Variants in PIR observed in about 807,000 individuals in gnomAD.
PIR encodes the protein pirin (iron-binding nuclear protein).
PIR carries 22 observed loss-of-function variants against 24.2 expected under a neutral mutation model. The ratio of observed to expected loss-of-function variants is 0.91; its 90% CI spans 0.65 to 1.30. The LOEUF (loss-of-function observed/expected upper bound fraction) is 1.30. PIR is among the 50% of genes most tolerant of loss of function. PIR has a pLI of 0.00. For synonymous variants in PIR, 80 were observed against 79.6 expected (o/e 1.00, Z -0.03); for missense variants, 220 against 220.3 (o/e 1.00, Z 0.01).
chrX:15,482,285 A>G (rs1214462876), intron 2 of PIR, among the ~76,000 whole-genome samples: 2 of 111,671 alleles, frequency 1.8e-5, no homozygotes, highest in Non-Finnish European at 3.8e-5. Flanking sequence ...TCTCTACAAC[A>G]GTCTTGAGTA....
intron 3 of PIR, among the ~76,000 whole-genome samples, chrX:15,477,846 G>C (rs1486034969): frequency 8.9e-6 from 1 of 111,842 alleles, no homozygotes; most frequent in African/African-American, 3.3e-5. Flanking sequence ...AAGCACCACA[G>C]GTACTGATTT....
chrX:15,401,969 T>C (rs2147009236), intron 7 of PIR, among the ~76,000 whole-genome samples: 1 of 112,692 alleles, frequency 8.9e-6, no homozygotes, highest in East Asian at 2.8e-4. Flanking sequence ...ATTGAGATTG[T>C]TAATTGAAAA....
chrX:15,391,431 T>C (rs1923954124), intron 8 of PIR, among the ~76,000 whole-genome samples: 1 of 112,214 alleles, frequency 8.9e-6, no homozygotes, highest in African/African-American at 3.2e-5. Context: ...TGTAATCAAA[T>C]GCATTTCTGG....
intron 5 of PIR, among the ~76,000 whole-genome samples, chrX:15,448,845 A>AT (rs1294667410): frequency 1.8e-5 from 2 of 111,540 alleles, no homozygotes; most frequent in Non-Finnish European, 3.8e-5. Context: ...GTATCATGAG[A>AT]TTTTCACATA....
intron 9 of PIR, among the ~76,000 whole-genome samples, chrX:15,389,362 G>A (rs774525663): frequency 4.5e-5 from 5 of 111,412 alleles, no homozygotes; most frequent in Non-Finnish European, 9.4e-5. Context: ...GTAGTTAGTA[G>A]AACAAAAAAG....
chrX:15,460,832 C>T (rs7879806), intron 3 of PIR, among the ~76,000 whole-genome samples: 3,502 of 109,604 alleles, frequency 0.032, 146 homozygotes, highest in African/African-American at 0.11. Context: ...TTTTTATTTG[C>T]CAACTGTACC....
At chrX:15,462,467 A>G (rs1921345700) in intron 3 of PIR, among the ~76,000 whole-genome samples, 1 of 109,044 alleles carries the variant, frequency 9.2e-6, no homozygotes, top group African/African-American at 3.5e-5. Flanking sequence ...AAGAAGAAAG[A>G]AAAAAAAATG....
chrX:15,428,992 A>C (rs1925413130), intron 5 of PIR, among the ~76,000 whole-genome samples: 2 of 111,999 alleles, frequency 1.8e-5, no homozygotes, highest in African/African-American at 6.5e-5. Context: ...CCAATTTCTC[A>C]GACTAGAGCT....
At chrX:15,425,363 C>T (rs1362841836) in intron 6 of PIR, among the ~76,000 whole-genome samples, 1 of 108,726 alleles carries the variant, frequency 9.2e-6, no homozygotes. Flanking sequence ...CCCACAAGGT[C>T]TGGCCCTAAC....
intron 6 of PIR, among the ~76,000 whole-genome samples, chrX:15,411,668 C>T (rs911608110): frequency 4.5e-5 from 5 of 110,508 alleles, no homozygotes; most frequent in Admixed American, 9.7e-5. Flanking sequence ...CTCCCATACC[C>T]GCAACCTCCC....
At chrX:15,455,797 C>T (rs146159272) in intron 5 of PIR, 51 bp downstream of exon 5, 2 of 1,009,253 alleles carry the variant, frequency 2.0e-6, no homozygotes, top group Non-Finnish European at 2.8e-6. Context: ...AAGGGGCCAG[C>T]CTTATGTCAC....
At chrX:15,399,874 C>G (rs955236935) in intron 7 of PIR, among the ~76,000 whole-genome samples, 2 of 111,461 alleles carry the variant, frequency 1.8e-5, no homozygotes, top group Non-Finnish European at 3.8e-5. Context: ...GGAGGCTTCA[C>G]AGATGTCAGA....
chrX:15,464,361 A>G (rs1921448478), intron 3 of PIR: 20 of 718,682 alleles, frequency 2.8e-5, no homozygotes, highest in Non-Finnish European at 3.1e-5. Flanking sequence ...TGACTTTTAT[A>G]CAATGGAAAC....
At chrX:15,386,518 C>T (rs1923755312) in intron 9 of PIR, among the ~76,000 whole-genome samples, 1 of 112,112 alleles carries the variant, frequency 8.9e-6, no homozygotes, top group African/African-American at 3.2e-5. Flanking sequence ...CTCAAGGATT[C>T]AAATCTATCA....
intron 5 of PIR, among the ~76,000 whole-genome samples, chrX:15,447,902 T>C (rs1400975969): frequency 8.9e-6 from 1 of 112,045 alleles, no homozygotes; most frequent in Non-Finnish European, 1.9e-5. Context: ...TATTATGCTC[T>C]TAGTCTAAAT....
chrX:15,441,663 A>G (rs1358405809), intron 5 of PIR, among the ~76,000 whole-genome samples: 1 of 111,437 alleles, frequency 9.0e-6, no homozygotes, highest in Non-Finnish European at 1.9e-5. Flanking sequence ...TTTCTCACTA[A>G]TCCCTGAGGA....
chrX:15,385,894 G>T (rs1042483111), intron 9 of PIR, among the ~76,000 whole-genome samples: 30 of 111,739 alleles, frequency 2.7e-4, no homozygotes, highest in African/African-American at 8.5e-4. Flanking sequence ...CTAATTGCTG[G>T]GTCTGAACTC....
intron 3 of PIR, among the ~76,000 whole-genome samples, chrX:15,470,429 G>A (rs1921825738): frequency 9.0e-6 from 1 of 111,065 alleles, no homozygotes; most frequent in Non-Finnish European, 1.9e-5. Context: ...CAATTTGCAT[G>A]AAGCTTTTTA....
intron 7 of PIR, among the ~76,000 whole-genome samples, chrX:15,402,673 C>T: frequency 9.1e-6 from 1 of 110,278 alleles, no homozygotes; most frequent in Non-Finnish European, 1.9e-5. Context: ...GCCCAGCCCC[C>T]AACTACCATT....
Sources: gnomAD v4.1 joint callset for allele counts (sites outside exome capture counted in the v4.1 genomes callset) on GRCh38, gnomAD v4.1.1 for gene constraint, MANE v1.5 for transcripts, NCBI Gene and HGNC (gene_info 2026-07-23, HGNC 2026-07-21) for gene names.